The following LRIG1 variants were observed in gnomAD, a reference collection of about 807,000 sequenced individuals.
LRIG1 encodes leucine rich repeats and immunoglobulin like domains 1.
LRIG1 carries 48 observed loss-of-function variants against 99.2 expected under a neutral mutation model. The ratio of observed to expected loss-of-function variants is 0.48; its 90% CI spans 0.38 to 0.62. The LOEUF is 0.62. LRIG1 is among the 20% of genes least tolerant of loss of function. The pLI is 0.00. For synonymous variants in LRIG1, 772 were observed against 596.1 expected (o/e 1.29, Z -4.30); for missense variants, 1,646 against 1,434.4 (o/e 1.15, Z -2.38).
intron 8 of LRIG1, chr3:66,406,046 A>AT: frequency 1.0e-6 from 1 of 986,902 alleles, no homozygotes. Context: ...TGGTTCTTAA[A>AT]TTTTCCCCCC....
Position 66,380,254 on chromosome 3 carries a change from A to G in LRIG1, c.*9T>C, listed in dbSNP as rs1392946128. On this transcript the variant is annotated 3_prime_UTR_variant, in exon 19 of 19. Coordinates refer to ENST00000273261, the MANE Select transcript of LRIG1 (RefSeq NM_015541.3). ...AGATTGGTATGACAAGAACTGAGGT[A>G]GACAAAACCTAGCTTTTTGGTGCCA... 11 of 1,605,986 alleles carry G rather than the reference A, an allele frequency of 6.8e-6. No individual in the cohort carries two copies. The highest frequency in any genetic ancestry group is 9.4e-6 in the Non-Finnish European group (11 of 1,175,084).
intron 3 of LRIG1, among the ~76,000 whole-genome samples, chr3:66,445,118 T>G (rs945344988): frequency 6.6e-6 from 1 of 152,004 alleles, no homozygotes; most frequent in Non-Finnish European, 1.5e-5. Context: ...ACAGCTTTGC[T>G]CACATTTTCT....
rs1244809031 is a variant in LRIG1 at position 66,383,285 on chromosome 3, C to G, written c.2188G>C (p.Asp730His). The G allele has an allele frequency of 6.2e-7, 1 of 1,611,940 alleles. No homozygotes were observed. The highest frequency in any genetic ancestry group is 8.5e-7 in the Non-Finnish European group (1 of 1,178,212). The change falls in exon 15 of 19, where the codon GAC becomes CAC. Residue 730 changes from aspartate (D) to histidine (H), a missense_variant. Transcript: ENST00000273261. ...PPPRITWFKG[D>H]RPLSLTERHH... The stretch of plus-strand genomic sequence containing the variant: ...CGCTCAGTGAGGCTCAGCGGGCGGT[C>G]CCCCTTGAACCAGGTGATGCGGGGC...
chr3:66,440,730 G>A (rs1041061208), intron 3 of LRIG1, among the ~76,000 whole-genome samples: 4 of 152,132 alleles, frequency 2.6e-5, no homozygotes, highest in African/African-American at 4.8e-5. Flanking sequence ...CTCAGTGCAC[G>A]TTCAGTATAT....
intron 3 of LRIG1, among the ~76,000 whole-genome samples, chr3:66,447,139 A>T (rs6784372): frequency 0.94 from 143,265 of 152,256 alleles, 67,762 homozygotes; most frequent in Non-Finnish European, 1. Context: ...GCTGTTTTGA[A>T]ACAGGCATGC....
At position 66,379,900 on chromosome 3, in the gene LRIG1, C is replaced by CTATT. The variant is rs535444770; in HGVS notation, c.*359_*362dup. On this transcript the variant is annotated 3_prime_UTR_variant, in exon 19 of 19. Transcript: ENST00000273261. The stretch of plus-strand genomic sequence containing the variant: ...CCAGCCATGCGTTAAGGCACCAGAA[C>CTATT]TATTTCCCCACCCCCTCCAAAATTA... The CTATT allele has an allele frequency of 4.9e-4, 80 of 161,830 alleles. 1 individual carries two copies. Among genetic ancestry groups the CTATT allele is most frequent in the Middle Eastern group, 5.5e-3 (2 of 364 alleles). 10.0% of individuals were successfully genotyped at this position (161,830 alleles called of 1,614,324 possible). A position where few individuals can be genotyped will look rare whatever the true frequency, so the allele number is the denominator to read the frequency against.
chr3:66,409,307 T>C (rs1291324658), intron 7 of LRIG1, among the ~76,000 whole-genome samples: 1 of 152,166 alleles, frequency 6.6e-6, no homozygotes, highest in Non-Finnish European at 1.5e-5. Flanking sequence ...AACTATAGAC[T>C]TGTAAAGATG....
chr3:66,411,743 A>T (rs1702475410), intron 6 of LRIG1, among the ~76,000 whole-genome samples: 1 of 152,180 alleles, frequency 6.6e-6, no homozygotes, highest in Non-Finnish European at 1.5e-5. Flanking sequence ...CTGGAAGAAG[A>T]AGGGGCGGAC....
At chr3:66,459,981 A>AT (rs1221019231) in intron 2 of LRIG1, among the ~76,000 whole-genome samples, 1,799 of 150,158 alleles carry the variant, frequency 0.012, 26 homozygotes, top group African/African-American at 0.041. Flanking sequence ...TTTACTCATC[A>AT]TTTTTTTTTT....
chr3:66,482,169 C>T (rs193291665), intron 1 of LRIG1, among the ~76,000 whole-genome samples: 2 of 152,354 alleles, frequency 1.3e-5, no homozygotes, highest in East Asian at 1.9e-4. Context: ...CAGTCCCCTC[C>T]GCAACACGCG....
chr3:66,426,986 A>G (rs1198244817), intron 3 of LRIG1, among the ~76,000 whole-genome samples: 1 of 152,256 alleles, frequency 6.6e-6, no homozygotes, highest in Non-Finnish European at 1.5e-5. Flanking sequence ...TACTTAATGA[A>G]TAAGCGAAAT....
chr3:66,411,569 C>A (rs956522452), intron 6 of LRIG1, among the ~76,000 whole-genome samples: 1 of 152,126 alleles, frequency 6.6e-6, no homozygotes, highest in Admixed American at 6.5e-5. Context: ...AGAAGCCCAG[C>A]GGCAGGAAAC....
At position 66,412,107 on chromosome 3, in the gene LRIG1, G is replaced by A. The variant is rs1468485224; in HGVS notation, c.791+764C>T. On this transcript the variant is annotated intron_variant, in intron 6 of 18. Transcript: ENST00000273261. ...TGCTGCCCTGCTGTTTCACGTTACC[G>A]TGCAGGCAAGCCCCTTCTGCTGCTG... Among the ~76,000 whole-genome samples the A allele has an allele frequency of 5.3e-5, 8 of 152,338 alleles. No homozygotes were observed. The East Asian group carries it at 1.3e-3, about 26-fold the overall frequency.
In LRIG1 at chr3:66,386,200, AGCT is replaced by A. The variant is rs1317364718; in HGVS notation, c.1567_1569del (p.Ser524del). 3.1e-6 allele frequency: 5 copies of A among 1,613,712 alleles called. No homozygotes were observed. The East Asian group carries it at 6.7e-5, about 22-fold the overall frequency. ...TTCTTCCAGGCAAAGGTCATGGGGG[AGCT>A]GCTGCTGCTGGCTGCTGAGCATGTA... On this transcript the variant is annotated inframe_deletion, in exon 13 of 19. Transcript: ENST00000273261.
At position 66,380,387 on chromosome 3, in the gene LRIG1, T is replaced by C. The variant is rs2279290; in HGVS notation, c.3158A>G (p.Gln1053Arg). 2 of 1,614,086 alleles carry C rather than the reference T, an allele frequency of 1.2e-6. No homozygotes were observed. Among genetic ancestry groups the C allele is most frequent in the Non-Finnish European group, 1.7e-6 (2 of 1,180,002 alleles). ...TSGSPERAEA[Q>R]YLLVSNGHLP... ...GTGGCCATTGGAAACAAGCAAGTAC[T>C]GGGCTTCCGCGCGCTCTGGACTGCC... Residue 1053 changes from glutamine to arginine, a missense_variant, in exon 19 of 19, where the codon CAG (glutamine) becomes CGG (arginine). Gln to Arg is a conservative substitution (Grantham distance 43, BLOSUM62 1). Coordinates refer to ENST00000273261, the MANE Select transcript of LRIG1 (RefSeq NM_015541.3).
intron 3 of LRIG1, among the ~76,000 whole-genome samples, chr3:66,418,575 C>G (rs1254267211): frequency 6.6e-6 from 1 of 152,208 alleles, no homozygotes; most frequent in Non-Finnish European, 1.5e-5. Flanking sequence ...ACTTAGGAAT[C>G]TGCTGGGTGG....
intron 6 of LRIG1, among the ~76,000 whole-genome samples, chr3:66,412,536 G>A (rs976294059): frequency 1.3e-5 from 2 of 152,230 alleles, no homozygotes; most frequent in African/African-American, 2.4e-5. Flanking sequence ...GGTTTGGCCC[G>A]GTCCCCAAGA....
chr3:66,417,255 T>C lies in LRIG1; in HGVS notation c.377A>G (p.Lys126Arg). The C allele has an allele frequency of 6.2e-7, 1 of 1,613,874 alleles. No individual in the cohort carries two copies. Among genetic ancestry groups the C allele is most frequent in the South Asian group, 1.1e-5 (1 of 91,082 alleles). The change falls in exon 4 of 19, where the codon AAG becomes AGG. Residue 126 changes from lysine to arginine, a missense_variant. Lys to Arg is a conservative substitution (Grantham distance 26). Transcript: ENST00000273261. ...CTGGCTCCCCTCCACGCTGCGAATC[T>C]TGTTGTGCTGCCTGAAACACAACAA... ...HVVSLFLQHN[K>R]IRSVEGSQLK...
intron 11 of LRIG1, 108 bp from the exon 12 acceptor site, chr3:66,394,311 C>T: frequency 1.1e-6 from 1 of 931,694 alleles, no homozygotes; most frequent in Non-Finnish European, 1.6e-6. Context: ...AAGTGAACAT[C>T]AGCAAGCTGG....
Sources: gnomAD v4.1 joint callset for allele counts (sites outside exome capture counted in the v4.1 genomes callset) on GRCh38, gnomAD v4.1.1 for gene constraint, MANE v1.5 for transcripts, NCBI Gene and HGNC (gene_info 2026-07-23, HGNC 2026-07-21) for gene names.